Variants in ULK4 observed in about 807,000 individuals in gnomAD.
The protein encoded by ULK4 is inactive serine/threonine-protein kinase ULK4.
A neutral mutation model predicts 160.6 loss-of-function variants in ULK4; 133 were observed. That is an observed-to-expected ratio of 0.83 (90% CI 0.72 to 0.96). The LOEUF (loss-of-function observed/expected upper bound fraction) is 0.96, where lower values mean the gene tolerates loss of function less well. Ranked by LOEUF, ULK4 falls within the 40% of genes least tolerant of loss-of-function variation. ULK4 has a pLI of 0.00. For synonymous variants in ULK4, 534 were observed against 539.8 expected (o/e 0.99, Z 0.15); for missense variants, 1,580 against 1,499.5 (o/e 1.05, Z -0.89).
At chr3:41,560,570 G>A (rs183345491) in intron 32 of ULK4, among the ~76,000 whole-genome samples, 12 of 152,248 alleles carry the variant, frequency 7.9e-5, no homozygotes, top group Non-Finnish European at 7.4e-5. Context: ...CCTTGAAGAG[G>A]TTCTTCACAT....
chr3:41,281,489 G>C (rs1254703216), intron 35 of ULK4, among the ~76,000 whole-genome samples: 1 of 152,156 alleles, frequency 6.6e-6, no homozygotes, highest in East Asian at 1.9e-4. Context: ...TGCAAGGCTG[G>C]CTCAATATAT....
At chr3:41,418,348 G>GGGC (rs2082579992) in intron 34 of ULK4, among the ~76,000 whole-genome samples, 1 of 144,428 alleles carries the variant, frequency 6.9e-6, no homozygotes, top group Admixed American at 6.9e-5. Flanking sequence ...TTGGCGGGGG[G>GGGC]GGGGGCACGT....
intron 32 of ULK4, among the ~76,000 whole-genome samples, chr3:41,468,782 A>AC (rs1203714766): frequency 2.6e-5 from 4 of 152,228 alleles, no homozygotes; most frequent in Admixed American, 1.3e-4. Context: ...GAGGTGGACA[A>AC]CCATCTTCTC....
intron 34 of ULK4, among the ~76,000 whole-genome samples, chr3:41,423,541 T>G (rs757490074): frequency 2.0e-5 from 3 of 151,890 alleles, no homozygotes; most frequent in Non-Finnish European, 4.4e-5. Context: ...ACTTGAAAAT[T>G]TGGCTTTTTG....
chr3:41,324,725 G>A (rs2080309085), intron 35 of ULK4, among the ~76,000 whole-genome samples: 1 of 152,144 alleles, frequency 6.6e-6, no homozygotes. Context: ...TTGAGTGGAA[G>A]GTCACCTTCT....
chr3:41,845,510 G>C (rs2042050202), intron 17 of ULK4, among the ~76,000 whole-genome samples: 1 of 152,106 alleles, frequency 6.6e-6, no homozygotes, highest in Non-Finnish European at 1.5e-5. Context: ...TGGCTTCGGG[G>C]GTGGAGGGCA....
chr3:41,360,734 C>T (rs371747086), intron 35 of ULK4, among the ~76,000 whole-genome samples: 1 of 152,008 alleles, frequency 6.6e-6, no homozygotes, highest in African/African-American at 2.4e-5. Flanking sequence ...CATGTACACA[C>T]GAAGGGGAAC....
rs1018837895 is a variant in ULK4 at position 41,247,080 on chromosome 3, C to T, written c.3765-88G>A. On this transcript the variant is annotated intron_variant, in intron 36 of 36. Transcript: ENST00000301831. The stretch of plus-strand genomic sequence containing the variant: ...TTCAAAGGGGCCAGCCTCTTTTGCA[C>T]CCGAGTATCTGGTGGACCAGCTGCA... The T allele has an allele frequency of 7.0e-6, 9 of 1,291,506 alleles. No homozygotes were observed. In the Admixed American group the frequency reaches 7.9e-5, roughly 11 times the overall value. 80.0% of individuals were successfully genotyped at this position (1,291,506 alleles called of 1,614,324 possible). A position where few individuals can be genotyped will look rare whatever the true frequency, so the allele number is the denominator to read the frequency against.
chr3:41,419,959 C>T (rs2082622764), intron 34 of ULK4, among the ~76,000 whole-genome samples: 1 of 151,928 alleles, frequency 6.6e-6, no homozygotes, highest in African/African-American at 2.4e-5. Flanking sequence ...GTGCCAAAGG[C>T]TTCCATATGC....
intron 35 of ULK4, among the ~76,000 whole-genome samples, chr3:41,367,192 G>A (rs2081270368): frequency 6.6e-6 from 1 of 152,162 alleles, no homozygotes; most frequent in South Asian, 2.1e-4. Context: ...GCCTGTTCAT[G>A]TTCATAAATG....
chr3:41,559,482 A>C (rs1002880719), intron 32 of ULK4, among the ~76,000 whole-genome samples: 3 of 148,448 alleles, frequency 2.0e-5, no homozygotes, highest in Non-Finnish European at 4.5e-5. Flanking sequence ...ACTAGTTTAC[A>C]GTCCCACCAA....
At chr3:41,855,770 CT>C (rs1031816977) in intron 17 of ULK4, among the ~76,000 whole-genome samples, 1 of 152,152 alleles carries the variant, frequency 6.6e-6, no homozygotes, top group African/African-American at 2.4e-5. Context: ...TTCTTTCCAT[CT>C]CTAATTCTGT....
intron 34 of ULK4, among the ~76,000 whole-genome samples, chr3:41,419,833 C>A (rs527575570): frequency 2.0e-5 from 3 of 152,014 alleles, no homozygotes; most frequent in African/African-American, 7.2e-5. Context: ...TCTGAAAATG[C>A]CTCTTTCCAT....
At chr3:41,572,525 C>T (rs1226973832) in intron 31 of ULK4, among the ~76,000 whole-genome samples, 1 of 151,884 alleles carries the variant, frequency 6.6e-6, no homozygotes, top group Non-Finnish European at 1.5e-5. Flanking sequence ...CTTTGGGAGG[C>T]CGAGGCAGGT....
At chr3:41,805,284 T>G (rs2125611779) in intron 19 of ULK4, among the ~76,000 whole-genome samples, 1 of 152,278 alleles carries the variant, frequency 6.6e-6, no homozygotes, top group East Asian at 1.9e-4. Flanking sequence ...GCTCTCTGTT[T>G]GTCTGTTATT....
At chr3:41,872,304 C>T (rs1697126504) in intron 17 of ULK4, among the ~76,000 whole-genome samples, 1 of 152,234 alleles carries the variant, frequency 6.6e-6, no homozygotes, top group African/African-American at 2.4e-5. Context: ...CTGCTGCTTT[C>T]TGCTGGGTTC....
At chr3:41,645,140 A>G (rs565168116) in intron 30 of ULK4, among the ~76,000 whole-genome samples, 2 of 151,888 alleles carry the variant, frequency 1.3e-5, no homozygotes, top group Non-Finnish European at 2.9e-5. Context: ...TTTTCAAAAA[A>G]CCAGCTCCTG....
chr3:41,729,233 T>C (rs1188997944), intron 22 of ULK4, among the ~76,000 whole-genome samples: 9 of 152,060 alleles, frequency 5.9e-5, no homozygotes, highest in African/African-American at 1.7e-4. Flanking sequence ...CATGAGGAAA[T>C]TCCCCCTACA....
rs1415809812 is a variant in ULK4, at chr3:41,485,922, G to A, written c.3227-22669C>T. ...ATAGCCATAAAGGAAAATAAATAAG[G>A]AAACCTGGTTAAATGCAAAATAACA... On this transcript the variant is annotated intron_variant, in intron 32 of 36. Transcript: ENST00000301831. 2.6e-5 allele frequency among the ~76,000 whole-genome samples: 4 copies of A among 152,236 alleles called. 1 individual carries two copies. The highest frequency in any genetic ancestry group is 4.2e-4 in the South Asian group (2 of 4,818).
Sources: allele counts gnomAD v4.1 joint callset (sites outside exome capture counted in the v4.1 genomes callset), GRCh38; gene constraint gnomAD v4.1.1; transcripts MANE v1.5; gene names NCBI Gene and HGNC (gene_info 2026-07-23, HGNC 2026-07-21).